The following FAT3 variants were observed in gnomAD, a reference collection of about 807,000 sequenced individuals.
The protein encoded by FAT3 is protocadherin Fat 3.
A neutral mutation model predicts 310.2 loss-of-function variants in FAT3; 95 were observed. The observed-to-expected ratio is 0.31, with a 90% CI of 0.26 to 0.36. The LOEUF is 0.36. Ranked by LOEUF, FAT3 falls within the 10% of genes least tolerant of loss-of-function variation. FAT3 has a pLI of 1.00. For synonymous variants in FAT3, 2,314 were observed against 2,192.9 expected, an observed-to-expected ratio of 1.06 and a Z score of -1.54; for missense variants, 5,408 against 5,715.6, an observed-to-expected ratio of 0.95 and a Z score of 1.74.
At chr11:92,756,431 C>T (rs1945992414) in intron 4 of FAT3, among the ~76,000 whole-genome samples, 1 of 152,076 alleles carries the variant, frequency 6.6e-6, no homozygotes, top group Admixed American at 6.5e-5. Context: ...AGGAGCAGAC[C>T]ACTGTATAAA....
chr11:92,386,378 T>A (rs1949620260), intron 2 of FAT3, among the ~76,000 whole-genome samples: 1 of 152,152 alleles, frequency 6.6e-6, no homozygotes, highest in African/African-American at 2.4e-5. Context: ...ATACAAGACT[T>A]CAAACATAGT....
intron 3 of FAT3, among the ~76,000 whole-genome samples, chr11:92,567,281 A>T (rs1955494393): frequency 7.2e-6 from 1 of 138,970 alleles, no homozygotes; most frequent in Non-Finnish European, 1.6e-5. Context: ...AAACACATGA[A>T]AAAATGCTCA....
In FAT3 at chr11:92,754,627, C is replaced by CAAAAAAAAAAAAAAAAAAAAA. The variant is rs71064722; in HGVS notation, c.3670-7211_3670-7210insAAAAAAAAAAAAAAAAAAAAA. ...TGGGCGACAGAGGAAGACTCTGCCTCAAAAAAAAAAAAAAAAAAGGAGATA... is the reference window on the plus strand; with the variant it reads ...TGGGCGACAGAGGAAGACTCTGCCTCAAAAAAAAAAAAAAAAAAAAAAAAAAAAAAAAAAAAAAAGGAGATA... On this transcript the variant is annotated intron_variant, in intron 4 of 27. Coordinates refer to ENST00000525166, the MANE Select transcript of FAT3 (RefSeq NM_001367949.2). Among the ~76,000 whole-genome samples the CAAAAAAAAAAAAAAAAAAAAA allele has an allele frequency of 4.8e-3, 156 of 32,682 alleles. 15 individuals are homozygous for CAAAAAAAAAAAAAAAAAAAAA. The highest frequency in any genetic ancestry group is 0.019 in the East Asian group (19 of 1,016). The allele number at this position is 32,682 out of a possible 152,430, so 21.4% of individuals were successfully genotyped here.
In FAT3 at chr11:92,882,889, G is replaced by T. The variant is rs553837148; in HGVS notation, c.12433G>T (p.Ala4145Ser). ...CCCCGTGGTGGTACCCAATATCCAG[G>T]CTGGCCACTCCTACGTGGGGAAGGA... is the stretch of plus-strand genomic sequence containing the variant. ...LRPVVVPNIQ[A>S]GHSYVGKEEL... is the part of the protein sequence containing the mutation. Residue 4145 changes from alanine to serine, a missense_variant, in exon 24 of 28, where the codon GCT becomes TCT. By Grantham distance (99) the Ala-to-Ser change is moderately conservative. Transcript: ENST00000525166. 4 of 1,612,646 alleles carry T rather than the reference G, an allele frequency of 2.5e-6. No homozygotes were observed. Among genetic ancestry groups the T allele is most frequent in the Non-Finnish European group, 3.4e-6 (4 of 1,179,506 alleles).
chr11:92,787,922 C>G (rs918861016), intron 7 of FAT3, among the ~76,000 whole-genome samples: 1 of 151,934 alleles, frequency 6.6e-6, no homozygotes, highest in Non-Finnish European at 1.5e-5. Context: ...CCTTGATGCT[C>G]TAATTTTGAA....
At chr11:92,277,350 C>G (rs1946300024) in intron 1 of FAT3, among the ~76,000 whole-genome samples, 2 of 152,140 alleles carry the variant, frequency 1.3e-5, no homozygotes, top group South Asian at 4.2e-4. Context: ...CAGAGCAGAT[C>G]ATTACTGGAT....
In FAT3 at chr11:92,800,665, A is replaced by T. The variant is rs1947314582; in HGVS notation, c.7652A>T (p.Gln2551Leu). The change falls in exon 10 of 28, where the codon CAG (glutamine) becomes CTG (leucine). Residue 2551 changes from glutamine (Q) to leucine (L), a missense_variant. Gln to Leu is a moderately radical substitution (Grantham distance 113). Transcript: ENST00000525166. ...CGATTCCTCATAGACAGCAATGGGC[A>T]GGTCATCACCACAGAAAGGCTAGAC... ...KDRFLIDSNG[Q>L]VITTERLDRE... The T allele has an allele frequency of 6.2e-7, 1 of 1,613,722 alleles. No individual in the cohort carries two copies. Among genetic ancestry groups the T allele is most frequent in the Admixed American group, 1.7e-5 (1 of 59,984 alleles).
chr11:92,529,988 T>G (rs530245991), intron 3 of FAT3, among the ~76,000 whole-genome samples: 2 of 152,342 alleles, frequency 1.3e-5, no homozygotes, highest in African/African-American at 4.8e-5. Flanking sequence ...CAAAAGTGTG[T>G]GTGCTGTAAG....
At position 92,792,867 on chromosome 11, in the gene FAT3, A is replaced by G. The variant is rs1947073063; in HGVS notation, c.4712A>G (p.Tyr1571Cys). 3 of 1,613,722 alleles carry G rather than the reference A, an allele frequency of 1.9e-6. No homozygotes were observed. Among genetic ancestry groups the G allele is most frequent in the African/African-American group, 1.3e-5 (1 of 74,904 alleles). Residue 1571 changes from tyrosine to cysteine, a missense_variant, in exon 9 of 28, where the codon TAT (tyrosine) becomes TGT (cysteine). By Grantham distance (194) the Tyr-to-Cys change is radical. Coordinates refer to ENST00000525166, the MANE Select transcript of FAT3 (RefSeq NM_001367949.2). ...DHSPYFTNPL[Y>C]EASVFESAAL... ...AGTCCTTATTTTACCAACCCACTGT[A>G]TGAAGCGTCTGTGTTTGAATCTGCT...
intron 4 of FAT3, among the ~76,000 whole-genome samples, chr11:92,708,634 A>G (rs528091058): frequency 6.6e-6 from 1 of 152,380 alleles, no homozygotes; most frequent in African/African-American, 2.4e-5. Flanking sequence ...CAAAATTCAG[A>G]ACACTTAAGG....
intron 1 of FAT3, among the ~76,000 whole-genome samples, chr11:92,297,361 T>A (rs771535952): frequency 6.6e-6 from 1 of 152,122 alleles, no homozygotes; most frequent in Non-Finnish European, 1.5e-5. Flanking sequence ...ACCCCTAGTA[T>A]CTAACACTGA....
At chr11:92,291,080 T>TACACAC (rs141883138) in intron 1 of FAT3, among the ~76,000 whole-genome samples, 31,909 of 142,662 alleles carry the variant, frequency 0.22, 3,738 homozygotes, top group Middle Eastern at 0.28. Flanking sequence ...CTTTTTATTC[T>TACACAC]ACACACACAC....
Position 92,790,054 on chromosome 11 carries a change from G to A in FAT3, c.4447G>A (p.Glu1483Lys), listed in dbSNP as rs1342093847. The A allele has an allele frequency of 6.2e-7, 1 of 1,613,742 alleles. No individual in the cohort carries two copies. Among genetic ancestry groups the A allele is most frequent in the African/African-American group, 1.3e-5 (1 of 74,922 alleles). Residue 1483 changes from glutamate to lysine, a missense_variant, in exon 8 of 28, where the codon GAA becomes AAA. Glu to Lys is a moderately conservative substitution (Grantham distance 56). This residue lies in a region of FAT3 where 4,588 missense variants were observed against 4,809.8 expected (regional missense o/e 0.95). Coordinates refer to ENST00000525166, the MANE Select transcript of FAT3 (RefSeq NM_001367949.2). ...VLPDTEILQI[E>K]ATDRDEKHKL... ...TCCAGACACGGAGATCCTGCAGATT[G>A]AAGCCACAGATAGAGATGAGAAGCA...
chr11:92,342,334 G>A (rs754085894), intron 1 of FAT3, among the ~76,000 whole-genome samples: 22 of 152,110 alleles, frequency 1.4e-4, no homozygotes, highest in African/African-American at 5.1e-4. Flanking sequence ...CTTGCCCTGC[G>A]TTACCATCTC....
chr11:92,527,723 G>A lies in FAT3; in HGVS notation c.3607+2775G>A, dbSNP rs143057534. On this transcript the variant is annotated intron_variant, in intron 3 of 27. Transcript: ENST00000525166. ...TCTCTAATAGAAGTCTTAATTTTTGGCATTTCTTCCTGACTCTAAAGTCAT... is the reference window on the plus strand; with the variant it reads ...TCTCTAATAGAAGTCTTAATTTTTGACATTTCTTCCTGACTCTAAAGTCAT... 2.7e-3 allele frequency among the ~76,000 whole-genome samples: 408 copies of A among 152,216 alleles called. 4 individuals carry two copies. The highest frequency in any genetic ancestry group is 9.5e-3 in the African/African-American group (393 of 41,538).
chr11:92,540,814 A>G (rs1954425524), intron 3 of FAT3, among the ~76,000 whole-genome samples: 1 of 151,900 alleles, frequency 6.6e-6, no homozygotes, highest in Non-Finnish European at 1.5e-5. Context: ...AGCTTTCCAT[A>G]TAATTACAGA....
chr11:92,600,443 C>A (rs566884940), intron 3 of FAT3, among the ~76,000 whole-genome samples: 2 of 152,248 alleles, frequency 1.3e-5, no homozygotes, highest in Admixed American at 1.3e-4. Flanking sequence ...TAATAAAGTG[C>A]TTAGTCCTGA....
At chr11:92,634,161 T>C (rs1391182358) in intron 3 of FAT3, among the ~76,000 whole-genome samples, 5 of 152,208 alleles carry the variant, frequency 3.3e-5, no homozygotes, top group Non-Finnish European at 5.9e-5. Context: ...AGTTATTAAA[T>C]GGGTAGCATC....
At chr11:92,598,085 G>A (rs1939806502) in intron 3 of FAT3, among the ~76,000 whole-genome samples, 2 of 151,852 alleles carry the variant, frequency 1.3e-5, no homozygotes, top group South Asian at 4.1e-4. Context: ...TCTGTACCAG[G>A]TGGGTGTTCA....
Sources: allele counts gnomAD v4.1 joint callset (sites outside exome capture counted in the v4.1 genomes callset), GRCh38; gene constraint gnomAD v4.1.1; regional missense constraint gnomAD v4.1.1; transcripts MANE v1.5; gene names NCBI Gene and HGNC (gene_info 2026-07-23, HGNC 2026-07-21).